ZNF469: variants seen among roughly 807,000 people sequenced by gnomAD.
The protein encoded by ZNF469 is zinc finger protein 469.
A neutral mutation model predicts 1.0 loss-of-function variants in ZNF469; 1 was observed. That is an observed-to-expected ratio of 1.00 (90% CI 0.35 to 4.73). The LOEUF (loss-of-function observed/expected upper bound fraction) is 4.73. ZNF469 is among the 30% of genes most tolerant of loss of function. The probability of loss-of-function intolerance (pLI) is 0.16; values close to 1 mark genes in which losing one functional copy is unlikely to be tolerated. For synonymous variants in ZNF469, 2,703 were observed against 2,363.4 expected (o/e 1.14, Z -4.17); for missense variants, 6,100 against 5,356.3 (o/e 1.14, Z -4.33).
At chr16:88,294,805 G>T in the ZNF469 span, 1 of 152,560 alleles carries the variant, frequency 6.6e-6, no homozygotes. Context: ...TCATAATGCC[G>T]GGGCCATCGG....
the ZNF469 span, among the ~76,000 whole-genome samples, chr16:88,264,095 G>C: frequency 6.6e-6 from 1 of 152,122 alleles, no homozygotes; most frequent in South Asian, 2.1e-4. Flanking sequence ...CCCAGGACCT[G>C]CTCCTGGCAC....
rs1474031505 is a variant in ZNF469 at position 88,430,021 on chromosome 16, A to G, written c.2551A>G (p.Met851Val). Residue 851 changes from methionine to valine, a missense_variant, in exon 3 of 3, where the codon ATG becomes GTG. Physicochemically the swap from Met to Val is conservative, Grantham distance 21. Transcript: ENST00000565624. ...DSLITEALNGMEYQSDNPEID... is the reference protein window; with the variant it reads ...DSLITEALNGVEYQSDNPEID... The stretch of plus-strand genomic sequence containing the variant: ...CCTCATCACAGAGGCGCTCAACGGC[A>G]TGGAGTACCAGTCGGACAACCCGGA... 6.5e-7 allele frequency: 1 copy of G among 1,550,378 alleles called. No individual in the cohort carries two copies. Among genetic ancestry groups the G allele is most frequent in the Non-Finnish European group, 8.7e-7 (1 of 1,146,968 alleles).
intron 1 of ZNF469, among the ~76,000 whole-genome samples, chr16:88,416,114 G>C (rs917501320): frequency 2.0e-5 from 3 of 152,222 alleles, no homozygotes; most frequent in Non-Finnish European, 4.4e-5. Context: ...CAGCCACCAG[G>C]CGTCGCAGAA....
rs757366332 is a variant in ZNF469, at chr16:88,431,142, G to C, written c.3672G>C (p.Glu1224Asp). The C allele has an allele frequency of 3.0e-5, 46 of 1,550,096 alleles. No homozygotes were observed. The highest frequency in any genetic ancestry group is 3.7e-5 in the Non-Finnish European group (42 of 1,146,956). Residue 1224 changes from glutamate to aspartate, a missense_variant, in exon 3 of 3, where the codon GAG becomes GAC. Coordinates refer to ENST00000565624, the MANE Select transcript of ZNF469 (RefSeq NM_001367624.2). ...GCCCGTCGCTGGACTTTCCCCAGGAGGCCAAGGAGCCTGAAACTGCCGAAG... is the reference window on the plus strand; with the variant it reads ...GCCCGTCGCTGGACTTTCCCCAGGACGCCAAGGAGCCTGAAACTGCCGAAG... Reference protein sequence around the residue: ...ETRPSLDFPQEAKEPETAEES... With the variant: ...ETRPSLDFPQDAKEPETAEES...
the ZNF469 span, among the ~76,000 whole-genome samples, chr16:88,213,873 G>C: frequency 4.2e-4 from 64 of 152,172 alleles, no homozygotes; most frequent in Admixed American, 4.2e-3. Flanking sequence ...CTTACGATGA[G>C]AGCTCAAGAA....
the ZNF469 span, among the ~76,000 whole-genome samples, chr16:88,295,070 TG>T: frequency 1.6e-5 from 2 of 126,960 alleles, no homozygotes; most frequent in South Asian, 3.0e-4. Flanking sequence ...GCTCAGGGTC[TG>T]GGGAGGACGT....
Position 88,433,449 on chromosome 16 carries a change from G to C in ZNF469, c.5979G>C (p.Gln1993His). ...WGLLGQAEKTQGQGTANQLQP... is the reference protein window; with the variant it reads ...WGLLGQAEKTHGQGTANQLQP... ...TGCTTGGCCAAGCCGAGAAAACCCAGGGCCAAGGCACAGCCAACCAGCTTC... is the reference window on the plus strand; with the variant it reads ...TGCTTGGCCAAGCCGAGAAAACCCACGGCCAAGGCACAGCCAACCAGCTTC... The change falls in exon 3 of 3, where the codon CAG (glutamine) becomes CAC (histidine). Residue 1993 changes from glutamine (Q) to histidine (H), a missense_variant. By Grantham distance (24) the Gln-to-His change is conservative. Transcript: ENST00000565624. 2 of 1,550,396 alleles carry C rather than the reference G, an allele frequency of 1.3e-6. No individual in the cohort carries two copies. Among genetic ancestry groups the C allele is most frequent in the Non-Finnish European group, 1.7e-6 (2 of 1,146,962 alleles).
the ZNF469 span, among the ~76,000 whole-genome samples, chr16:88,338,221 G>GCGCCTCCAATCGC: frequency 6.6e-6 from 1 of 152,274 alleles, no homozygotes; most frequent in African/African-American, 2.4e-5. Context: ...AGACCCTCTG[G>GCGCCTCCAATCGC]CTCCCGGAAG....
At chr16:88,224,677 C>T in the ZNF469 span, among the ~76,000 whole-genome samples, 1 of 152,160 alleles carries the variant, frequency 6.6e-6, no homozygotes. Flanking sequence ...CCGGCAAGGC[C>T]GCGAGCTCTG....
At chr16:88,187,973 A>C in the ZNF469 span, among the ~76,000 whole-genome samples, 2 of 151,972 alleles carry the variant, frequency 1.3e-5, no homozygotes, top group Non-Finnish European at 2.9e-5. Context: ...CCTGGGATGC[A>C]TCCCGGGCCC....
the ZNF469 span, among the ~76,000 whole-genome samples, chr16:88,164,140 G>A: frequency 6.6e-6 from 1 of 151,520 alleles, no homozygotes; most frequent in Middle Eastern, 3.4e-3. Flanking sequence ...GTAGATGGGT[G>A]AATGGATGGG....
chr16:88,396,756 AGGAGGAGACCCTCGTGAAGGGAGGCCG>A (rs1904683282), intron 1 of ZNF469, among the ~76,000 whole-genome samples: 1 of 127,088 alleles, frequency 7.9e-6, no homozygotes, highest in African/African-American at 3.0e-5. Context: ...AAGGGAGGCC[AGGAGGAGACCCTCGTGAAGGGAGGCCG>A]GGAGGAGACC....
intron 1 of ZNF469, among the ~76,000 whole-genome samples, chr16:88,393,395 C>T (rs896611278): frequency 6.6e-5 from 10 of 152,344 alleles, no homozygotes; most frequent in African/African-American, 2.2e-4. Context: ...ACACCAGCAG[C>T]CTGCTTTGCT....
At chr16:88,225,984 G>T in the ZNF469 span, among the ~76,000 whole-genome samples, 2 of 152,034 alleles carry the variant, frequency 1.3e-5, no homozygotes, top group African/African-American at 4.8e-5. Context: ...CCTTGCACAT[G>T]GCAGAAGGGC....
the ZNF469 span, among the ~76,000 whole-genome samples, chr16:88,232,488 G>A: frequency 6.6e-6 from 1 of 152,172 alleles, no homozygotes; most frequent in African/African-American, 2.4e-5. Context: ...TCTCTGGAAA[G>A]AGTAGAGAAA....
the ZNF469 span, among the ~76,000 whole-genome samples, chr16:88,162,470 T>A: frequency 6.6e-6 from 1 of 152,120 alleles, no homozygotes; most frequent in East Asian, 1.9e-4. Flanking sequence ...ATTCTGCTTG[T>A]TTTTTAAGTG....
At position 88,435,603 on chromosome 16, in the gene ZNF469, G is replaced by A. The variant is rs1567515326; in HGVS notation, c.8133G>A (p.Gln2711=). 2.6e-6 allele frequency: 4 copies of A among 1,550,296 alleles called. No individual in the cohort carries two copies. Among genetic ancestry groups the A allele is most frequent in the African/African-American group, 1.4e-5 (1 of 73,164 alleles). ...GVMEGAAETD[Q]EALCAGETGA... ...TGGAGGGTGCAGCGGAGACTGACCA[G>A]GAGGCTCTGTGTGCAGGGGAGACTG... is the stretch of plus-strand genomic sequence containing the variant. Residue 2711 remains glutamine (Q), a synonymous_variant, in exon 3 of 3, where the codon CAG becomes CAA. Transcript: ENST00000565624.
At chr16:88,362,046 T>C in the ZNF469 span, among the ~76,000 whole-genome samples, 1 of 152,242 alleles carries the variant, frequency 6.6e-6, no homozygotes, top group Non-Finnish European at 1.5e-5. Context: ...GCTGTCTGGC[T>C]TCTGTAGCTT....
At chr16:88,220,640 C>G in the ZNF469 span, among the ~76,000 whole-genome samples, 1 of 152,096 alleles carries the variant, frequency 6.6e-6, no homozygotes, top group East Asian at 1.9e-4. Flanking sequence ...GGTCCCATTT[C>G]ACAGCTGAGG....
Sources: allele counts gnomAD v4.1 joint callset (sites outside exome capture counted in the v4.1 genomes callset), GRCh38; gene constraint gnomAD v4.1.1; transcripts MANE v1.5; gene names NCBI Gene and HGNC (gene_info 2026-07-23, HGNC 2026-07-21).